The following INSYN2B variants were observed in gnomAD, a reference collection of about 807,000 sequenced individuals.
INSYN2B encodes protein INSYN2B.
Under a neutral mutation model 41.2 loss-of-function variants are expected in INSYN2B, and 16 were observed. The ratio of observed to expected loss-of-function variants is 0.39; its 90% confidence interval spans 0.26 to 0.59. The LOEUF (loss-of-function observed/expected upper bound fraction) is 0.59, where lower values mean the gene tolerates loss of function less well. Ranked by LOEUF, INSYN2B falls within the 20% of genes least tolerant of loss-of-function variation. The pLI is 0.57. For synonymous variants in INSYN2B, 245 were observed against 244.4 expected (o/e 1.00, Z -0.02); for missense variants, 608 against 646.4 (o/e 0.94, Z 0.64).
chr5:169,925,118 T>C (rs1288201824), intron 1 of INSYN2B, among the ~76,000 whole-genome samples: 1 of 152,220 alleles, frequency 6.6e-6, no homozygotes, highest in Non-Finnish European at 1.5e-5. Context: ...CCCATTCATC[T>C]GTTCTTTTTA....
At position 169,931,149 on chromosome 5, in the gene INSYN2B, A is replaced by G. The variant is rs77114894; in HGVS notation, c.-918-46333T>C. Among the ~76,000 whole-genome samples the G allele has an allele frequency of 5.9e-3, 898 of 152,318 alleles. 9 individuals are homozygous for G. Among genetic ancestry groups the G allele is most frequent in the African/African-American group, 0.02 (814 of 41,576 alleles). ...AACACCCTTGATCTTAGGATTAAGC[A>G]TTGTCTGGGATATTTTGAGTCATGA... On this transcript the variant is annotated intron_variant, in intron 1 of 3. Coordinates refer to ENST00000377365, the MANE Select transcript of INSYN2B (RefSeq NM_001129891.3).
At chr5:169,920,179 C>A (rs534872810) in intron 1 of INSYN2B, among the ~76,000 whole-genome samples, 13 of 152,132 alleles carry the variant, frequency 8.5e-5, no homozygotes, top group Non-Finnish European at 1.8e-4. Context: ...GGTTCAAACC[C>A]AGGCAGTCCA....
intron 1 of INSYN2B, among the ~76,000 whole-genome samples, chr5:169,913,239 T>C (rs894346184): frequency 3.3e-5 from 5 of 152,260 alleles, no homozygotes; most frequent in Admixed American, 6.5e-5. Context: ...TGATGGAAAC[T>C]ATTCGGCTCT....
intron 1 of INSYN2B, among the ~76,000 whole-genome samples, chr5:169,889,456 C>A (rs1773162089): frequency 6.6e-6 from 1 of 152,184 alleles, no homozygotes; most frequent in South Asian, 2.1e-4. Context: ...CCTTGTAATG[C>A]CAACCTCATA....
chr5:169,885,025 TTC>T (rs1772892654), intron 1 of INSYN2B, among the ~76,000 whole-genome samples: 1 of 152,128 alleles, frequency 6.6e-6, no homozygotes. Flanking sequence ...CTGGACCCTT[TTC>T]TCTCTCCATT....
chr5:169,874,024 G>A (rs72842510), intron 3 of INSYN2B, among the ~76,000 whole-genome samples: 15,201 of 152,232 alleles, frequency 0.1, 932 homozygotes, highest in Admixed American at 0.17. Flanking sequence ...TAGATACAAA[G>A]GGAGGCTCTT....
At chr5:169,978,350 C>T (rs993929258) in intron 1 of INSYN2B, among the ~76,000 whole-genome samples, 21 of 116,000 alleles carry the variant, frequency 1.8e-4, no homozygotes, top group African/African-American at 5.5e-4. Flanking sequence ...GTTCACATGG[C>T]ACTGCAGGGG....
chr5:169,942,491 G>A (rs922337684), intron 1 of INSYN2B, among the ~76,000 whole-genome samples: 1 of 152,190 alleles, frequency 6.6e-6, no homozygotes, highest in Non-Finnish European at 1.5e-5. Context: ...GAGGTATTGG[G>A]AAATTATCAT....
chr5:169,960,815 CAT>C (rs1377814729), intron 1 of INSYN2B, among the ~76,000 whole-genome samples: 5 of 152,174 alleles, frequency 3.3e-5, no homozygotes, highest in African/African-American at 1.2e-4. Flanking sequence ...TGTTCTGAGT[CAT>C]GTGATGAAAT....
At position 169,945,469 on chromosome 5, in the gene INSYN2B, G is replaced by A. The variant is rs541283349; in HGVS notation, c.-919+34808C>T. The stretch of plus-strand genomic sequence containing the variant: ...GTGTTATTAATTGAGCTGTTACTTC[G>A]TGCCTGGCACAGTGCCAAACACTTT... On this transcript the variant is annotated intron_variant, in intron 1 of 3. Transcript: ENST00000377365. Among the ~76,000 whole-genome samples, 21 of 152,362 alleles carry A rather than the reference G, an allele frequency of 1.4e-4. No individual in the cohort carries two copies. The South Asian group carries it at 2.1e-3, about 15-fold the overall frequency.
chr5:169,864,479 A>G lies in INSYN2B; in HGVS notation c.1422-20T>C. 2.0e-6 allele frequency: 3 copies of G among 1,500,690 alleles called. No individual in the cohort carries two copies. The highest frequency in any genetic ancestry group is 2.8e-5 in the African/African-American group (2 of 71,488). The allele number at this position is 1,500,690 out of a possible 1,614,324, so 93.0% of individuals were successfully genotyped here. The stretch of plus-strand genomic sequence containing the variant: ...TCTACACTGAAAAACACAGAGAGGA[A>G]GGAAGGAAAGTGAATTCGAATCAGC... On this transcript the variant is annotated intron_variant, in intron 3 of 3. Transcript: ENST00000377365.
intron 1 of INSYN2B, among the ~76,000 whole-genome samples, chr5:169,894,762 C>A (rs1445567598): frequency 6.6e-6 from 1 of 152,176 alleles, no homozygotes; most frequent in Non-Finnish European, 1.5e-5. Flanking sequence ...CTTATCTTTA[C>A]CATGGTTACC....
chr5:169,925,076 T>TTTCTTTTTCTC (rs1775362175), intron 1 of INSYN2B, among the ~76,000 whole-genome samples: 3 of 152,212 alleles, frequency 2.0e-5, no homozygotes, highest in Admixed American at 1.3e-4. Context: ...TCTTTCTCTA[T>TTTCTTTTTCTC]TATTCTTTTT....
chr5:169,900,355 C>G (rs964243088), intron 1 of INSYN2B, among the ~76,000 whole-genome samples: 2 of 152,162 alleles, frequency 1.3e-5, no homozygotes, highest in East Asian at 1.9e-4. Flanking sequence ...AAGGAAGAAG[C>G]AGGTTCAAAG....
chr5:169,864,230 G>A lies in INSYN2B; in HGVS notation c.*43C>T. 1 of 1,496,598 alleles carries A rather than the reference G, an allele frequency of 6.7e-7. No individual in the cohort carries two copies. The highest frequency in any genetic ancestry group is 9.1e-7 in the Non-Finnish European group (1 of 1,096,952). The allele number at this position is 1,496,598 out of a possible 1,614,324, so 92.7% of individuals were successfully genotyped here. ...AGTGCAGTGGATTTCCCATCTCAGGGAAGTGCGTGGAGTTGGGGGGCTGGG... is the reference window on the plus strand; with the variant it reads ...AGTGCAGTGGATTTCCCATCTCAGGAAAGTGCGTGGAGTTGGGGGGCTGGG... On this transcript the variant is annotated 3_prime_UTR_variant, in exon 4 of 4. Coordinates refer to ENST00000377365, the MANE Select transcript of INSYN2B (RefSeq NM_001129891.3).
intron 1 of INSYN2B, among the ~76,000 whole-genome samples, chr5:169,965,923 A>G (rs1033351418): frequency 1.3e-5 from 2 of 152,206 alleles, no homozygotes; most frequent in Non-Finnish European, 2.9e-5. Flanking sequence ...ATCCAGGAAC[A>G]GATTATCCAC....
intron 1 of INSYN2B, among the ~76,000 whole-genome samples, chr5:169,977,609 G>T (rs780613982): frequency 1.3e-5 from 2 of 152,148 alleles, no homozygotes; most frequent in Non-Finnish European, 2.9e-5. Context: ...TTTGAACTCA[G>T]GCTTTCTGGC....
chr5:169,959,687 T>C (rs17738129), intron 1 of INSYN2B, among the ~76,000 whole-genome samples: 6,060 of 152,244 alleles, frequency 0.04, 309 homozygotes, highest in East Asian at 0.21. Flanking sequence ...TTCTCAGGTC[T>C]CCAACTGTGT....
intron 1 of INSYN2B, among the ~76,000 whole-genome samples, chr5:169,926,306 G>A (rs1165720972): frequency 6.6e-6 from 1 of 152,176 alleles, no homozygotes; most frequent in Non-Finnish European, 1.5e-5. Context: ...AAATATTGTC[G>A]CTTTGCATAG....
Sources: allele counts gnomAD v4.1 joint callset (sites outside exome capture counted in the v4.1 genomes callset), GRCh38; gene constraint gnomAD v4.1.1; transcripts MANE v1.5; gene names NCBI Gene and HGNC (gene_info 2026-07-23, HGNC 2026-07-21).